Variants in PHACTR4 observed in about 807,000 individuals in gnomAD.
PHACTR4 encodes the protein phosphatase and actin regulator 4.
Under a neutral mutation model 72.7 loss-of-function variants are expected in PHACTR4, and 51 were observed. The observed-to-expected ratio is 0.70, with a 90% CI of 0.56 to 0.89. PHACTR4 has a LOEUF of 0.89. Among genes scored for constraint, PHACTR4 ranks in the 40% least tolerant of loss-of-function variants. The pLI is 0.00. For missense variants in PHACTR4, 731 were observed against 861.8 expected (o/e 0.85, Z 1.90); for synonymous variants, 255 against 302.5 (o/e 0.84, Z 1.63).
At chr1:28,453,934 G>A (rs975308478) in intron 2 of PHACTR4, 3 of 693,446 alleles carry the variant, frequency 4.3e-6, no homozygotes, top group Non-Finnish European at 5.1e-6. Flanking sequence ...CATGGAACAC[G>A]GCCAGGCACG....
chr1:28,398,072 A>G (rs886090875), intron 1 of PHACTR4, among the ~76,000 whole-genome samples: 1 of 152,012 alleles, frequency 6.6e-6, no homozygotes, highest in Non-Finnish European at 1.5e-5. Context: ...TGTTTCTTTC[A>G]CTGAACTGAC....
intron 13 of PHACTR4, among the ~76,000 whole-genome samples, chr1:28,494,896 A>G (rs1661253506): frequency 6.6e-6 from 1 of 152,224 alleles, no homozygotes; most frequent in Non-Finnish European, 1.5e-5. Flanking sequence ...TGCAAACAAC[A>G]AAGATGATAT....
At chr1:28,410,937 C>T (rs1436863792) in intron 2 of PHACTR4, among the ~76,000 whole-genome samples, 1 of 151,924 alleles carries the variant, frequency 6.6e-6, no homozygotes, top group Non-Finnish European at 1.5e-5. Context: ...GAACTCCTGA[C>T]CTCAGGTGAT....
In PHACTR4 at chr1:28,383,594, T is replaced by TTG. The variant is rs143142267; in HGVS notation, c.-39+13783_-39+13784dup. On this transcript the variant is annotated intron_variant, in intron 1 of 13. Coordinates refer to ENST00000373839, the MANE Select transcript of PHACTR4 (RefSeq NM_001048183.3). Reference sequence around the variant, plus strand: ...CCTGGTTAGCTGTATTCCTAGGTATTTGTGTGTGTGTGTGTAGCAGTCGTG... The same window carrying TTG: ...CCTGGTTAGCTGTATTCCTAGGTATTTGTGTGTGTGTGTGTGTAGCAGTCGTG... Among the ~76,000 whole-genome samples, 1,067 of 151,756 alleles carry TTG rather than the reference T, an allele frequency of 7.0e-3. 7 individuals carry two copies. The highest frequency in any genetic ancestry group is 0.02 in the South Asian group (97 of 4,818).
intron 1 of PHACTR4, among the ~76,000 whole-genome samples, chr1:28,385,740 C>T (rs1016169662): frequency 2.0e-5 from 3 of 151,410 alleles, no homozygotes; most frequent in Admixed American, 6.6e-5. Context: ...CTTAGCCTCC[C>T]GAGTAGCTGG....
chr1:28,494,179 T>C (rs1330901427), intron 13 of PHACTR4: 3 of 149,944 alleles, frequency 2.0e-5, no homozygotes, highest in East Asian at 3.9e-4. Flanking sequence ...CTGAGCAACA[T>C]AGTAAGACTC....
chr1:28,478,764 A>G (rs1660084960), intron 8 of PHACTR4, among the ~76,000 whole-genome samples: 1 of 147,728 alleles, frequency 6.8e-6, no homozygotes, highest in East Asian at 2.0e-4. Flanking sequence ...CGGTAGTTCT[A>G]TTTTTAAGGG....
intron 1 of PHACTR4, among the ~76,000 whole-genome samples, chr1:28,370,121 C>T (rs535541527): frequency 2.6e-5 from 4 of 152,056 alleles, no homozygotes; most frequent in Admixed American, 6.5e-5. Context: ...CGTTGCTCCC[C>T]CTTTGTGTCC....
rs1291354936 is a variant in PHACTR4, at chr1:28,448,694, G to A, written c.17-10391G>A. Among the ~76,000 whole-genome samples, 94 of 140,836 alleles carry A rather than the reference G, an allele frequency of 6.7e-4. 1 individual carries two copies. Among genetic ancestry groups the A allele is most frequent in the African/African-American group, 2.6e-3 (91 of 35,610 alleles). 92.4% of individuals were successfully genotyped at this position (140,836 alleles called of 152,430 possible). A position where few individuals can be genotyped will look rare whatever the true frequency, so the allele number is the denominator to read the frequency against. ...GGAGAATGGCGTGAACCCGGGAGGTGGAGCTTGCAGTGAGCCGAGATCGTG... is the reference window on the plus strand; with the variant it reads ...GGAGAATGGCGTGAACCCGGGAGGTAGAGCTTGCAGTGAGCCGAGATCGTG... On this transcript the variant is annotated intron_variant, in intron 2 of 13. Coordinates refer to ENST00000373839, the MANE Select transcript of PHACTR4 (RefSeq NM_001048183.3).
chr1:28,486,979 A>C (rs371999918), intron 9 of PHACTR4, among the ~76,000 whole-genome samples: 1 of 152,148 alleles, frequency 6.6e-6, no homozygotes, highest in Admixed American at 6.6e-5. Flanking sequence ...CCTGGGCAAT[A>C]TGGCAAAACT....
chr1:28,483,808 AAAAAAAAAAAAG>A (rs1270784167), intron 9 of PHACTR4, among the ~76,000 whole-genome samples: 1 of 151,330 alleles, frequency 6.6e-6, no homozygotes, highest in Admixed American at 6.6e-5. Context: ...CAAAAAAAAA[AAAAAAAAAAAAG>A]AGAGAGATAA....
chr1:28,460,376 CT>C, intron 4 of PHACTR4, 84 bp downstream of exon 4: 1 of 1,028,798 alleles, frequency 9.7e-7, no homozygotes, highest in Non-Finnish European at 1.4e-6. Flanking sequence ...AATTTTCTTT[CT>C]TTCTTTTATA....
intron 2 of PHACTR4, among the ~76,000 whole-genome samples, chr1:28,445,060 A>G (rs555617413): frequency 6.6e-6 from 1 of 151,012 alleles, no homozygotes; most frequent in Non-Finnish European, 1.5e-5. Flanking sequence ...GGTTCAAGCA[A>G]TTCTCTGCCT....
intron 1 of PHACTR4, among the ~76,000 whole-genome samples, chr1:28,381,564 C>T (rs1253887954): frequency 1.3e-5 from 2 of 151,904 alleles, no homozygotes; most frequent in African/African-American, 4.8e-5. Context: ...TCCCAAAGTG[C>T]TGGGATTACA....
Position 28,377,700 on chromosome 1 carries a change from C to T in PHACTR4, c.-39+7875C>T, listed in dbSNP as rs530800041. On this transcript the variant is annotated intron_variant, in intron 1 of 13. Coordinates refer to ENST00000373839, the MANE Select transcript of PHACTR4 (RefSeq NM_001048183.3). Reference sequence around the variant, plus strand: ...AAAAAAGTTAGCTTGGCATGTGGCACGCTTCTATGAGTCCCAGCTACTCTG... The same window carrying T: ...AAAAAAGTTAGCTTGGCATGTGGCATGCTTCTATGAGTCCCAGCTACTCTG... Among the ~76,000 whole-genome samples the T allele has an allele frequency of 3.3e-5, 5 of 152,004 alleles. No homozygotes were observed. In the South Asian group the frequency reaches 8.3e-4, roughly 25 times the overall value.
intron 1 of PHACTR4, among the ~76,000 whole-genome samples, chr1:28,389,871 A>G (rs1000257821): frequency 2.0e-5 from 3 of 152,208 alleles, no homozygotes; most frequent in Non-Finnish European, 4.4e-5. Flanking sequence ...TACTGGGTAT[A>G]TATCCAAAGG....
intron 6 of PHACTR4, among the ~76,000 whole-genome samples, chr1:28,467,750 A>T (rs1458237313): frequency 6.6e-6 from 1 of 152,174 alleles, no homozygotes. Flanking sequence ...TTCTTATGTT[A>T]AAATAAGTGA....
chr1:28,461,168 G>A (rs1658777998), intron 4 of PHACTR4, among the ~76,000 whole-genome samples: 1 of 152,106 alleles, frequency 6.6e-6, no homozygotes, highest in South Asian at 2.1e-4. Flanking sequence ...GGCCAGGCAT[G>A]GTGGCTCACG....
intron 6 of PHACTR4, among the ~76,000 whole-genome samples, chr1:28,471,206 G>A (rs1380748675): frequency 1.3e-5 from 2 of 151,752 alleles, no homozygotes; most frequent in African/African-American, 2.4e-5. Context: ...AAAATTAGCC[G>A]GGCGTGGTGG....
Sources: allele counts gnomAD v4.1 joint callset (sites outside exome capture counted in the v4.1 genomes callset), GRCh38; gene constraint gnomAD v4.1.1; transcripts MANE v1.5; gene names NCBI Gene and HGNC (gene_info 2026-07-23, HGNC 2026-07-21).